C1QTNF3: variants seen among roughly 807,000 people sequenced by gnomAD.
C1QTNF3 encodes the protein complement C1q tumor necrosis factor-related protein 3.
In C1QTNF3, 26 loss-of-function variants were observed where a neutral mutation model predicts 32.6. The observed-to-expected ratio is 0.80, with a 90% confidence interval of 0.58 to 1.11. The LOEUF (loss-of-function observed/expected upper bound fraction) is 1.11. C1QTNF3 is among the 50% of genes least tolerant of loss of function. C1QTNF3 has a pLI of 0.00. For missense variants in C1QTNF3, 362 were observed against 398.2 expected, an observed-to-expected ratio of 0.91 and a Z score of 0.77; for synonymous variants, 155 against 146.0, an observed-to-expected ratio of 1.06 and a Z score of -0.44.
chr5:34,177,500 T>C, the C1QTNF3 span, among the ~76,000 whole-genome samples: 1 of 148,074 alleles, frequency 6.8e-6, no homozygotes, highest in African/African-American at 2.5e-5. Context: ...TTTTTTTTTT[T>C]TTTTGAGACG....
At chr5:34,041,423 T>C (rs2112124513) in intron 1 of C1QTNF3, among the ~76,000 whole-genome samples, 2 of 152,306 alleles carry the variant, frequency 1.3e-5, no homozygotes, top group Admixed American at 1.3e-4. Context: ...TTCTGCTTCC[T>C]CTGGGGGAAT....
chr5:34,083,605 G>C, the C1QTNF3 span, among the ~76,000 whole-genome samples: 1 of 151,136 alleles, frequency 6.6e-6, no homozygotes, highest in East Asian at 1.9e-4. Flanking sequence ...TGTATAAATA[G>C]ATTTTTCAAC....
the C1QTNF3 span, among the ~76,000 whole-genome samples, chr5:34,197,466 A>T: frequency 6.6e-6 from 1 of 152,230 alleles, no homozygotes; most frequent in Admixed American, 6.5e-5. Flanking sequence ...CGGTCAATCA[A>T]TGGTAAATAT....
chr5:34,157,097 G>A, the C1QTNF3 span, among the ~76,000 whole-genome samples: 1 of 152,104 alleles, frequency 6.6e-6, no homozygotes, highest in Non-Finnish European at 1.5e-5. Context: ...ATTTATAACA[G>A]ATAATTACTT....
At chr5:34,174,745 A>G in the C1QTNF3 span, among the ~76,000 whole-genome samples, 2 of 152,030 alleles carry the variant, frequency 1.3e-5, no homozygotes, top group Non-Finnish European at 2.9e-5. Flanking sequence ...TTGTCTTTGA[A>G]GACCCTTTTT....
chr5:34,056,671 C>T, the C1QTNF3 span, among the ~76,000 whole-genome samples: 1 of 151,564 alleles, frequency 6.6e-6, no homozygotes, highest in Non-Finnish European at 1.5e-5. Context: ...TGCTATCATG[C>T]CTGGCTAATT....
At chr5:34,153,782 A>G in the C1QTNF3 span, among the ~76,000 whole-genome samples, 1 of 111,562 alleles carries the variant, frequency 9.0e-6, no homozygotes, top group Non-Finnish European at 1.8e-5. Flanking sequence ...GGTGCAGCGC[A>G]CCAGCATGGC....
chr5:34,074,430 C>G, the C1QTNF3 span, among the ~76,000 whole-genome samples: 1 of 151,794 alleles, frequency 6.6e-6, no homozygotes, highest in South Asian at 2.1e-4. Flanking sequence ...GCAAACATTT[C>G]TCTACATCGG....
chr5:34,138,381 A>G, the C1QTNF3 span, among the ~76,000 whole-genome samples: 1 of 152,208 alleles, frequency 6.6e-6, no homozygotes, highest in Admixed American at 6.5e-5. Flanking sequence ...TAATTACTCC[A>G]TAAATTACAG....
the C1QTNF3 span, among the ~76,000 whole-genome samples, chr5:34,062,421 C>T: frequency 6.6e-6 from 1 of 152,146 alleles, no homozygotes. Context: ...CAGATTAAGT[C>T]CTTTTGGGTA....
chr5:34,125,624 C>T, the C1QTNF3 span, among the ~76,000 whole-genome samples: 1 of 151,908 alleles, frequency 6.6e-6, no homozygotes, highest in East Asian at 1.9e-4. Context: ...ATTGTCTGCA[C>T]ATTTCTAAAC....
chr5:34,127,507 G>C, the C1QTNF3 span, among the ~76,000 whole-genome samples: 1 of 152,152 alleles, frequency 6.6e-6, no homozygotes, highest in Non-Finnish European at 1.5e-5. Flanking sequence ...ACTTGAGAGA[G>C]AGAAGTTAGG....
the C1QTNF3 span, among the ~76,000 whole-genome samples, chr5:34,176,856 C>CCTGAATGAATGA: frequency 6.8e-6 from 1 of 148,114 alleles, no homozygotes; most frequent in Non-Finnish European, 1.5e-5. Context: ...GACCCTATCT[C>CCTGAATGAATGA]ATGAATGAAT....
chr5:34,154,461 ACT>A, the C1QTNF3 span, among the ~76,000 whole-genome samples: 8 of 152,136 alleles, frequency 5.3e-5, no homozygotes, highest in Non-Finnish European at 8.8e-5. Flanking sequence ...CAAAATGCAA[ACT>A]CTGTCTACAT....
chr5:34,212,223 C>A, the C1QTNF3 span, among the ~76,000 whole-genome samples: 2,560 of 151,608 alleles, frequency 0.017, 16 homozygotes, highest in Middle Eastern at 0.034. Flanking sequence ...GAAACTGGAT[C>A]CCTTCCTTAC....
chr5:34,083,921 C>T, the C1QTNF3 span, among the ~76,000 whole-genome samples: 204 of 151,896 alleles, frequency 1.3e-3, 2 homozygotes, highest in South Asian at 0.017. Flanking sequence ...AAAGAAGTTT[C>T]CAATTCTCTA....
intron 4 of C1QTNF3, among the ~76,000 whole-genome samples, chr5:34,025,891 C>T (rs1754447491): frequency 6.6e-6 from 1 of 152,148 alleles, no homozygotes; most frequent in South Asian, 2.1e-4. Flanking sequence ...CACACAAGAA[C>T]ATTTAAAGAT....
the C1QTNF3 span, among the ~76,000 whole-genome samples, chr5:34,073,015 T>C: frequency 6.6e-6 from 1 of 152,200 alleles, no homozygotes; most frequent in Non-Finnish European, 1.5e-5. Context: ...GAATTACTTA[T>C]GCCAGAGAAA....
chr5:34,059,778 G>A, the C1QTNF3 span, among the ~76,000 whole-genome samples: 1 of 152,144 alleles, frequency 6.6e-6, no homozygotes, highest in Non-Finnish European at 1.5e-5. Flanking sequence ...GGGGGTTAGG[G>A]CTTCAACATA....
Sources: gnomAD v4.1 joint callset for allele counts (sites outside exome capture counted in the v4.1 genomes callset) on GRCh38, gnomAD v4.1.1 for gene constraint, MANE v1.5 for transcripts, NCBI Gene and HGNC (gene_info 2026-07-23, HGNC 2026-07-21) for gene names.